DLG1: variants seen among roughly 807,000 people sequenced by gnomAD.
DLG1 encodes the protein discs large MAGUK scaffold protein 1.
In DLG1, 42 loss-of-function variants were observed where a neutral mutation model predicts 123.4. The observed-to-expected ratio is 0.34, with a 90% CI of 0.27 to 0.44. The LOEUF (loss-of-function observed/expected upper bound fraction) is 0.44. Ranked by LOEUF, DLG1 falls within the 20% of genes least tolerant of loss-of-function variation. The pLI is 1.00. For synonymous variants in DLG1, 317 were observed against 356.2 expected, an observed-to-expected ratio of 0.89 and a Z score of 1.24; for missense variants, 942 against 1,082.6, an observed-to-expected ratio of 0.87 and a Z score of 1.82.
chr3:197,115,921 T>C lies in DLG1; in HGVS notation c.1443+6A>G, dbSNP rs1773044884. The C allele has an allele frequency of 6.2e-7, 1 of 1,609,586 alleles. No individual in the cohort carries two copies. The highest frequency in any genetic ancestry group is 8.5e-7 in the Non-Finnish European group (1 of 1,178,772). On this transcript the variant is annotated splice_donor_region_variant and intron_variant, in intron 13 of 24. Transcript: ENST00000667157. ...CAAAAACGTGATCTTGACTAACGTGTCTTACCGATATAATACGATCTCCTT... is the reference window on the plus strand; with the variant it reads ...CAAAAACGTGATCTTGACTAACGTGCCTTACCGATATAATACGATCTCCTT...
intron 5 of DLG1, among the ~76,000 whole-genome samples, chr3:197,174,551 C>T (rs568519279): frequency 2.2e-4 from 34 of 152,260 alleles, no homozygotes; most frequent in African/African-American, 7.9e-4. Flanking sequence ...TTTGTTCTCC[C>T]TTCAAAATCC....
intron 14 of DLG1, among the ~76,000 whole-genome samples, chr3:197,096,531 T>G (rs1760752441): frequency 6.6e-6 from 1 of 152,010 alleles, no homozygotes; most frequent in Admixed American, 6.5e-5. Flanking sequence ...GATTAAACTA[T>G]TTTTCTCTCC....
At chr3:197,197,395 ATATT>A (rs1723089974) in intron 4 of DLG1, among the ~76,000 whole-genome samples, 1 of 152,216 alleles carries the variant, frequency 6.6e-6, no homozygotes, top group Non-Finnish European at 1.5e-5. Context: ...AACTAATTCT[ATATT>A]TATTTTTCAT....
chr3:197,265,266 A>T (rs1761172008), intron 4 of DLG1, among the ~76,000 whole-genome samples: 1 of 152,234 alleles, frequency 6.6e-6, no homozygotes, highest in African/African-American at 2.4e-5. Flanking sequence ...TAAGATAATT[A>T]ACAGTATTTT....
chr3:197,268,916 G>A (rs1371621421), intron 4 of DLG1, among the ~76,000 whole-genome samples: 3 of 150,718 alleles, frequency 2.0e-5, no homozygotes, highest in Non-Finnish European at 2.9e-5. Context: ...ACACACACCC[G>A]TTAACTTAAG....
At chr3:197,127,462 ATATATATATATATATATAT>A in intron 11 of DLG1, among the ~76,000 whole-genome samples, 1 of 15,886 alleles carries the variant, frequency 6.3e-5, no homozygotes, top group South Asian at 3.2e-3. Flanking sequence ...AAAAAAATAT[ATATATATATATATATATAT>A]ATATATATAT....
At chr3:197,192,384 G>A (rs532376015) in intron 5 of DLG1, among the ~76,000 whole-genome samples, 69 of 151,946 alleles carry the variant, frequency 4.5e-4, no homozygotes, top group Non-Finnish European at 8.2e-4. Context: ...TACTAGAAAA[G>A]AAGGCTGGTA....
rs1383987869 is a variant in DLG1 at position 197,043,433 on chromosome 3, T to TGGAA, written c.*1189_*1190insTTCC. On this transcript the variant is annotated 3_prime_UTR_variant, in exon 25 of 25. Coordinates refer to ENST00000667157, the MANE Select transcript of DLG1 (RefSeq NM_001366207.1). ...ACTTTTACTTATAATCTAATTTCCC[T>TGGAA]AAATGTTTCCTCCTCATGACCACCA... 9 of 152,156 alleles carry TGGAA rather than the reference T, an allele frequency of 5.9e-5. No individual in the cohort carries two copies. The highest frequency in any genetic ancestry group is 1.3e-4 in the Non-Finnish European group (9 of 68,024). 9.4% of individuals were successfully genotyped at this position (152,156 alleles called of 1,614,324 possible).
intron 14 of DLG1, among the ~76,000 whole-genome samples, chr3:197,099,792 A>G (rs753937020): frequency 1.3e-5 from 2 of 152,230 alleles, no homozygotes; most frequent in Non-Finnish European, 2.9e-5. Context: ...ACCCAAGAGA[A>G]ACAATTCTCA....
At chr3:197,144,808 T>C (rs548147448) in intron 6 of DLG1, among the ~76,000 whole-genome samples, 6 of 152,292 alleles carry the variant, frequency 3.9e-5, no homozygotes, top group East Asian at 1.9e-4. Context: ...TTAGAGATTA[T>C]ATGTTATAAA....
At chr3:197,287,674 G>GAAATT (rs1772526549) in intron 3 of DLG1, among the ~76,000 whole-genome samples, 1 of 152,034 alleles carries the variant, frequency 6.6e-6, no homozygotes, top group Admixed American at 6.5e-5. Context: ...ATTTACAAAA[G>GAAATT]AAATTAAAAT....
At chr3:197,060,169 C>G (rs1266110170) in intron 22 of DLG1, among the ~76,000 whole-genome samples, 171 bp from the exon 23 acceptor site, 7 of 152,242 alleles carry the variant, frequency 4.6e-5, no homozygotes, top group African/African-American at 1.7e-4. Flanking sequence ...AATGAAATGG[C>G]TGAATATGCA....
chr3:197,249,623 C>T (rs1014446211), intron 4 of DLG1, among the ~76,000 whole-genome samples: 12 of 152,082 alleles, frequency 7.9e-5, no homozygotes, highest in African/African-American at 2.7e-4. Context: ...AAGAAAACTA[C>T]AGGCCAATAC....
At chr3:197,080,910 T>C (rs1329734386) in intron 17 of DLG1, 141 bp downstream of exon 17, 2 of 635,934 alleles carry the variant, frequency 3.1e-6, no homozygotes, top group African/African-American at 3.7e-5. Context: ...GTGCTTGAAT[T>C]TAACAAATGC....
chr3:197,045,660 CTT>C (rs1032018098), intron 24 of DLG1, among the ~76,000 whole-genome samples: 3 of 151,924 alleles, frequency 2.0e-5, no homozygotes, highest in African/African-American at 7.3e-5. Flanking sequence ...AGGATGATCT[CTT>C]GAGCCCAGGA....
intron 20 of DLG1, among the ~76,000 whole-genome samples, 184 bp from the exon 21 acceptor site, chr3:197,065,993 AACTTT>A (rs1739272773): frequency 6.6e-6 from 1 of 152,206 alleles, no homozygotes; most frequent in Non-Finnish European, 1.5e-5. Context: ...TCAGATCTTA[AACTTT>A]ACTTAGTCTT....
At chr3:197,046,699 G>C (rs1723364877) in intron 24 of DLG1, among the ~76,000 whole-genome samples, 2 of 152,016 alleles carry the variant, frequency 1.3e-5, no homozygotes, top group Non-Finnish European at 2.9e-5. Flanking sequence ...GCGAAATCCT[G>C]TCTCTACAAA....
rs559776016 is a variant in DLG1 at position 197,279,359 on chromosome 3, T to C, written c.318+3320A>G. On this transcript the variant is annotated intron_variant, in intron 4 of 24. Coordinates refer to ENST00000667157, the MANE Select transcript of DLG1 (RefSeq NM_001366207.1). ...TTCTGTCATCTCTATAAGATGGTACTTCCTACTAACTGACTTTGCTCACTC... is the reference window on the plus strand; with the variant it reads ...TTCTGTCATCTCTATAAGATGGTACCTCCTACTAACTGACTTTGCTCACTC... Among the ~76,000 whole-genome samples the C allele has an allele frequency of 2.6e-5, 4 of 152,348 alleles. No homozygotes were observed. In the East Asian group the frequency reaches 7.7e-4, roughly 29 times the overall value.
intron 5 of DLG1, among the ~76,000 whole-genome samples, chr3:197,175,415 G>C (rs1234728243): frequency 6.6e-6 from 1 of 152,170 alleles, no homozygotes. Flanking sequence ...CTTCAGATAT[G>C]TAAGAGTATA....
Sources: allele counts gnomAD v4.1 joint callset (sites outside exome capture counted in the v4.1 genomes callset), GRCh38; gene constraint gnomAD v4.1.1; transcripts MANE v1.5; gene names NCBI Gene and HGNC (gene_info 2026-07-23, HGNC 2026-07-21).